Variants in SHISA9 observed in about 807,000 individuals in gnomAD.
SHISA9 encodes the protein shisa family member 9.
Under a neutral mutation model 38.0 loss-of-function variants are expected in SHISA9, and 13 were observed. The observed-to-expected ratio is 0.34, with a 90% CI of 0.22 to 0.54. The LOEUF (loss-of-function observed/expected upper bound fraction) is 0.54, where lower values mean the gene tolerates loss of function less well. Ranked by LOEUF, SHISA9 falls within the 20% of genes least tolerant of loss-of-function variation. The pLI is 0.91. For synonymous variants in SHISA9, 275 were observed against 242.0 expected (o/e 1.14, Z -1.27); for missense variants, 538 against 575.8 (o/e 0.93, Z 0.67).
At chr16:13,290,118 A>G in the SHISA9 span, among the ~76,000 whole-genome samples, 16 of 152,184 alleles carry the variant, frequency 1.1e-4, no homozygotes, top group African/African-American at 3.9e-4. Context: ...TCTCTTTGAT[A>G]ACAAATTCCA....
intron 2 of SHISA9, among the ~76,000 whole-genome samples, chr16:13,157,045 T>C (rs559011855): frequency 6.6e-6 from 1 of 152,296 alleles, no homozygotes; most frequent in South Asian, 2.1e-4. Flanking sequence ...ATTTAGAGCT[T>C]TGTTTCTGTG....
the SHISA9 span, among the ~76,000 whole-genome samples, chr16:13,545,914 C>T: frequency 6.6e-6 from 1 of 152,252 alleles, no homozygotes; most frequent in South Asian, 2.1e-4. Flanking sequence ...AGTTAGATTC[C>T]TTCCTGGGAC....
intron 2 of SHISA9, among the ~76,000 whole-genome samples, chr16:12,959,385 T>C (rs772695066): frequency 6.6e-6 from 1 of 152,216 alleles, no homozygotes; most frequent in Non-Finnish European, 1.5e-5. Context: ...AGGTGCTTCC[T>C]CTGGGGTATC....
chr16:12,966,756 G>A (rs1048254369), intron 2 of SHISA9, among the ~76,000 whole-genome samples: 10 of 152,174 alleles, frequency 6.6e-5, no homozygotes, highest in African/African-American at 2.2e-4. Flanking sequence ...AAAATTTACT[G>A]AGTAAATGAA....
At chr16:13,024,942 C>G (rs1011107156) in intron 2 of SHISA9, among the ~76,000 whole-genome samples, 2 of 152,114 alleles carry the variant, frequency 1.3e-5, no homozygotes, top group Non-Finnish European at 2.9e-5. Flanking sequence ...GTGAACCTTG[C>G]TGCTAGTGCA....
At chr16:12,905,175 A>C (rs2071076531) in intron 1 of SHISA9, among the ~76,000 whole-genome samples, 2 of 152,234 alleles carry the variant, frequency 1.3e-5, no homozygotes, top group African/African-American at 4.8e-5. Flanking sequence ...TTTAGTTCTC[A>C]CAACTATCTT....
At chr16:13,099,417 G>T (rs557980516) in intron 2 of SHISA9, among the ~76,000 whole-genome samples, 6 of 152,174 alleles carry the variant, frequency 3.9e-5, no homozygotes, top group Non-Finnish European at 8.8e-5. Context: ...TAAAACAAGG[G>T]TGGGGGACAA....
chr16:13,081,774 C>T (rs1272939528), intron 2 of SHISA9, among the ~76,000 whole-genome samples: 1 of 151,690 alleles, frequency 6.6e-6, no homozygotes, highest in Non-Finnish European at 1.5e-5. Flanking sequence ...ACTGCTTGAA[C>T]CCGGGAGGCA....
At chr16:13,030,883 A>G (rs142946577) in intron 2 of SHISA9, among the ~76,000 whole-genome samples, 113 of 152,344 alleles carry the variant, frequency 7.4e-4, no homozygotes, top group Middle Eastern at 6.8e-3. Flanking sequence ...CGTGTGCGTC[A>G]CTGACAGGGG....
the SHISA9 span, among the ~76,000 whole-genome samples, chr16:13,402,352 A>G: frequency 6.6e-6 from 1 of 152,128 alleles, no homozygotes; most frequent in Non-Finnish European, 1.5e-5. Flanking sequence ...TGTAAGTCCA[A>G]GGGTACAAAG....
At chr16:13,101,357 T>C (rs924990141) in intron 2 of SHISA9, among the ~76,000 whole-genome samples, 1 of 152,222 alleles carries the variant, frequency 6.6e-6, no homozygotes, top group Non-Finnish European at 1.5e-5. Flanking sequence ...TGAATATATA[T>C]ATCAAAACAT....
intron 2 of SHISA9, among the ~76,000 whole-genome samples, chr16:12,953,678 A>G (rs1353620441): frequency 6.6e-6 from 1 of 152,122 alleles, no homozygotes; most frequent in Non-Finnish European, 1.5e-5. Flanking sequence ...ATATTGTGTC[A>G]GTCTGAGACA....
chr16:13,022,881 T>C (rs905558587), intron 2 of SHISA9, among the ~76,000 whole-genome samples: 2 of 152,144 alleles, frequency 1.3e-5, no homozygotes, highest in African/African-American at 4.8e-5. Flanking sequence ...GGAGCCAGCA[T>C]ACCCAGCACT....
the SHISA9 span, among the ~76,000 whole-genome samples, chr16:13,468,841 A>C: frequency 0.3 from 45,066 of 151,670 alleles, 6,883 homozygotes; most frequent in East Asian, 0.39. Context: ...ATATATATGT[A>C]TTCTTTTTTG....
chr16:13,342,012 C>T, the SHISA9 span, among the ~76,000 whole-genome samples: 2 of 152,148 alleles, frequency 1.3e-5, no homozygotes, highest in Non-Finnish European at 2.9e-5. Context: ...AGTTTATTCA[C>T]CATTCTGCCT....
intron 2 of SHISA9, among the ~76,000 whole-genome samples, chr16:13,025,662 A>T (rs188890614): frequency 1.5e-4 from 23 of 152,326 alleles, no homozygotes; most frequent in African/African-American, 5.1e-4. Flanking sequence ...ATAATAGTTG[A>T]GTGCCTCCTT....
the SHISA9 span, among the ~76,000 whole-genome samples, chr16:13,420,489 G>A: frequency 3.9e-5 from 6 of 152,106 alleles, no homozygotes; most frequent in African/African-American, 1.4e-4. Flanking sequence ...TCCTGAGGAA[G>A]GGATGTTCAG....
chr16:13,461,591 A>AT, the SHISA9 span, among the ~76,000 whole-genome samples: 1 of 145,422 alleles, frequency 6.9e-6, no homozygotes, highest in Non-Finnish European at 1.5e-5. Context: ...AAAAAAAAAA[A>AT]GATTTATAGA....
At chr16:13,075,217 G>A (rs966546655) in intron 2 of SHISA9, among the ~76,000 whole-genome samples, 2 of 152,156 alleles carry the variant, frequency 1.3e-5, no homozygotes, top group Admixed American at 6.5e-5. Context: ...CAGGGACATG[G>A]GAATTTCCTA....
Sources: allele counts gnomAD v4.1 joint callset (sites outside exome capture counted in the v4.1 genomes callset), GRCh38; gene constraint gnomAD v4.1.1; transcripts MANE v1.5; gene names NCBI Gene and HGNC (gene_info 2026-07-23, HGNC 2026-07-21).